The following CA10 variants were observed in gnomAD, a reference collection of about 807,000 sequenced individuals.
The protein encoded by CA10 is carbonic anhydrase-related protein 10.
Under a neutral mutation model 44.2 loss-of-function variants are expected in CA10, and 14 were observed. The observed-to-expected ratio is 0.32, with a 90% CI of 0.21 to 0.50. The LOEUF (loss-of-function observed/expected upper bound fraction) is 0.50, where lower values mean the gene tolerates loss of function less well. Ranked by LOEUF, CA10 falls within the 20% of genes least tolerant of loss-of-function variation. The pLI is 0.99. For missense variants in CA10, 350 were observed against 409.7 expected (o/e 0.85, Z 1.26); for synonymous variants, 159 against 141.6 (o/e 1.12, Z -0.87).
chr17:51,816,030 C>T (rs1213030574), intron 3 of CA10, among the ~76,000 whole-genome samples: 1 of 152,070 alleles, frequency 6.6e-6, no homozygotes, highest in Non-Finnish European at 1.5e-5. Flanking sequence ...TTCATTCTTT[C>T]TAATTTTTTT....
intron 2 of CA10, among the ~76,000 whole-genome samples, chr17:52,054,429 C>T (rs879547271): frequency 5.3e-5 from 8 of 152,022 alleles, no homozygotes; most frequent in East Asian, 3.9e-4. Flanking sequence ...AATGCGTGCC[C>T]GAAACTTCAT....
At chr17:51,949,799 A>T (rs1183629030) in intron 2 of CA10, among the ~76,000 whole-genome samples, 4 of 152,124 alleles carry the variant, frequency 2.6e-5, no homozygotes, top group Non-Finnish European at 4.4e-5. Flanking sequence ...GAAGATGGAC[A>T]TTGGACTATA....
At chr17:51,861,901 C>T (rs1014033207) in intron 3 of CA10, among the ~76,000 whole-genome samples, 1 of 152,128 alleles carries the variant, frequency 6.6e-6, no homozygotes, top group Non-Finnish European at 1.5e-5. Flanking sequence ...ACTCCAGACC[C>T]ATGATTTTCT....
intron 2 of CA10, among the ~76,000 whole-genome samples, chr17:52,060,730 TA>T (rs1178670476): frequency 6.6e-6 from 1 of 152,222 alleles, no homozygotes; most frequent in Non-Finnish European, 1.5e-5. Flanking sequence ...CATTTTTTTC[TA>T]GAAGATAAGC....
intron 1 of CA10, among the ~76,000 whole-genome samples, chr17:52,110,657 G>A (rs1052230878): frequency 6.6e-6 from 1 of 152,178 alleles, no homozygotes. Context: ...TCTAGCTTCA[G>A]CCTGATCCCA....
rs370867793 is a variant in CA10 at position 51,833,631 on chromosome 17, G to A, written c.280-85813C>T. Reference sequence around the variant, plus strand: ...ATTATCTTATCATTTTGAAAGGCAGGACTGTCTGTCAGAGTATAAGAAAAG... The same window carrying A: ...ATTATCTTATCATTTTGAAAGGCAGAACTGTCTGTCAGAGTATAAGAAAAG... On this transcript the variant is annotated intron_variant, in intron 3 of 8. Transcript: ENST00000451037. Among the ~76,000 whole-genome samples the A allele has an allele frequency of 2.2e-3, 342 of 152,296 alleles. 2 individuals carry two copies. The highest frequency in any genetic ancestry group is 8.0e-3 in the African/African-American group (334 of 41,566).
chr17:51,853,328 A>T (rs1348790208), intron 3 of CA10, among the ~76,000 whole-genome samples: 1 of 152,194 alleles, frequency 6.6e-6, no homozygotes, highest in Non-Finnish European at 1.5e-5. Flanking sequence ...GCTGTTCTGC[A>T]TAAGGCTGGA....
chr17:51,929,679 A>T (rs1267333272), intron 3 of CA10, among the ~76,000 whole-genome samples: 1 of 125,142 alleles, frequency 8.0e-6, no homozygotes, highest in Non-Finnish European at 1.7e-5. Flanking sequence ...GCGAACTCAC[A>T]CGTGTTCACG....
chr17:51,726,394 A>T (rs957097763), intron 4 of CA10, among the ~76,000 whole-genome samples: 5 of 152,244 alleles, frequency 3.3e-5, no homozygotes, highest in African/African-American at 1.2e-4. Context: ...TAATAACAAC[A>T]TACTGCACTG....
At chr17:51,966,504 A>G (rs1984086285) in intron 2 of CA10, among the ~76,000 whole-genome samples, 1 of 151,970 alleles carries the variant, frequency 6.6e-6, no homozygotes, top group Non-Finnish European at 1.5e-5. Context: ...TGGTACAAAA[A>G]CAGACATATT....
At chr17:51,962,528 A>G (rs1217625691) in intron 2 of CA10, among the ~76,000 whole-genome samples, 10 of 152,138 alleles carry the variant, frequency 6.6e-5, no homozygotes, top group Admixed American at 6.5e-4. Flanking sequence ...ACAAGAATAA[A>G]ATATATACCC....
At chr17:51,781,272 T>TATAA (rs1906047629) in intron 3 of CA10, among the ~76,000 whole-genome samples, 1 of 152,252 alleles carries the variant, frequency 6.6e-6, no homozygotes. Flanking sequence ...TATTATAATA[T>TATAA]CTGAGATAAA....
chr17:52,117,216 C>T (rs1370784393), intron 1 of CA10, among the ~76,000 whole-genome samples: 1 of 152,094 alleles, frequency 6.6e-6, no homozygotes. Flanking sequence ...CATTAGAGCC[C>T]CTAAGATAAT....
chr17:51,989,140 A>G (rs1397393130), intron 2 of CA10, among the ~76,000 whole-genome samples: 2 of 150,958 alleles, frequency 1.3e-5, no homozygotes, highest in Non-Finnish European at 2.9e-5. Context: ...CTACTATATC[A>G]GAATCTCTGT....
chr17:51,820,339 G>A (rs535385959), intron 3 of CA10, among the ~76,000 whole-genome samples: 17 of 149,988 alleles, frequency 1.1e-4, no homozygotes, highest in South Asian at 6.3e-4. Context: ...AATGTTTGTC[G>A]GATGACTCAT....
At chr17:51,993,613 T>C (rs888162483) in intron 2 of CA10, among the ~76,000 whole-genome samples, 1 of 152,102 alleles carries the variant, frequency 6.6e-6, no homozygotes, top group Non-Finnish European at 1.5e-5. Flanking sequence ...TTATTTATCA[T>C]TGTATTCTGC....
chr17:51,735,828 A>G (rs1476862649), intron 4 of CA10, among the ~76,000 whole-genome samples: 1 of 90,584 alleles, frequency 1.1e-5, no homozygotes, highest in Non-Finnish European at 2.6e-5. Flanking sequence ...TAAAAAACAA[A>G]GTAAAAAAAA....
chr17:52,017,850 CA>C (rs989701255), intron 2 of CA10, among the ~76,000 whole-genome samples: 67 of 152,214 alleles, frequency 4.4e-4, no homozygotes, highest in African/African-American at 1.6e-3. Context: ...GTTTCTGAGG[CA>C]GGTCTCCCAC....
At chr17:52,087,355 T>C (rs1340561710) in intron 1 of CA10, among the ~76,000 whole-genome samples, 1 of 152,214 alleles carries the variant, frequency 6.6e-6, no homozygotes, top group Non-Finnish European at 1.5e-5. Context: ...TTGGCCAGAC[T>C]GGTCTCAAAC....
Sources: gnomAD v4.1 joint callset for allele counts (sites outside exome capture counted in the v4.1 genomes callset) on GRCh38, gnomAD v4.1.1 for gene constraint, MANE v1.5 for transcripts, NCBI Gene and HGNC (gene_info 2026-07-23, HGNC 2026-07-21) for gene names.